Variants in SMYD3 observed in about 807,000 individuals in gnomAD.
The protein encoded by SMYD3 is histone-lysine N-methyltransferase SMYD3.
In SMYD3, 36 loss-of-function variants were observed where a neutral mutation model predicts 57.7. The ratio of observed to expected loss-of-function variants is 0.62; its 90% CI spans 0.48 to 0.82. The LOEUF is 0.82. Among genes scored for constraint, SMYD3 ranks in the 40% least tolerant of loss-of-function variants. SMYD3 has a pLI of 0.00. For missense variants in SMYD3, 515 were observed against 538.8 expected (o/e 0.96, Z 0.44); for synonymous variants, 211 against 195.0 (o/e 1.08, Z -0.68).
In SMYD3 at chr1:246,478,572, A is replaced by G. The variant is rs12037546; in HGVS notation, c.164+28482T>C. ...CTGTCCTCTGTCCTGGAGCTGGTACATAAGTGCTCATATATGCACACCTGT... is the reference window on the plus strand; with the variant it reads ...CTGTCCTCTGTCCTGGAGCTGGTACGTAAGTGCTCATATATGCACACCTGT... On this transcript the variant is annotated intron_variant, in intron 1 of 11. Coordinates refer to ENST00000490107, the MANE Select transcript of SMYD3 (RefSeq NM_001167740.2). Among the ~76,000 whole-genome samples the G allele has an allele frequency of 2.5e-3, 201 of 79,734 alleles. 8 individuals are homozygous for G. The highest frequency in any genetic ancestry group is 9.1e-3 in the Middle Eastern group (1 of 110). The allele number at this position is 79,734 out of a possible 152,430, so 52.3% of individuals were successfully genotyped here.
chr1:246,005,479 G>T (rs767403388), intron 5 of SMYD3, among the ~76,000 whole-genome samples: 1 of 152,184 alleles, frequency 6.6e-6, no homozygotes, highest in African/African-American at 2.4e-5. Flanking sequence ...CATCTAAAAT[G>T]CGGATAGTCA....
chr1:245,973,607 C>A (rs2058354028), intron 5 of SMYD3, among the ~76,000 whole-genome samples: 1 of 152,180 alleles, frequency 6.6e-6, no homozygotes, highest in Admixed American at 6.5e-5. Flanking sequence ...AGCAAACATA[C>A]CAAAGAATCT....
intron 1 of SMYD3, among the ~76,000 whole-genome samples, chr1:246,376,890 A>G (rs1012879419): frequency 3.3e-5 from 5 of 152,098 alleles, no homozygotes; most frequent in African/African-American, 1.2e-4. Flanking sequence ...ACCTGAGGTC[A>G]GGAGTTCAAG....
At chr1:246,359,862 C>T (rs1356691326) in intron 1 of SMYD3, among the ~76,000 whole-genome samples, 5 of 152,090 alleles carry the variant, frequency 3.3e-5, no homozygotes, top group Non-Finnish European at 7.4e-5. Context: ...TTACACTGAA[C>T]AGGGAAAAGT....
intron 5 of SMYD3, chr1:245,955,798 T>C (rs1285060711): frequency 6.2e-6 from 2 of 322,888 alleles, no homozygotes; most frequent in Admixed American, 1.3e-4. Flanking sequence ...AGCAACATAT[T>C]GTATGTTTAG....
chr1:245,865,413 C>A (rs1055969862), intron 8 of SMYD3, among the ~76,000 whole-genome samples: 3 of 152,180 alleles, frequency 2.0e-5, no homozygotes, highest in Admixed American at 6.5e-5. Context: ...TTCTTCCCCC[C>A]AGGTCAGAGG....
chr1:245,989,489 T>C (rs899777144), intron 5 of SMYD3, among the ~76,000 whole-genome samples: 24 of 152,276 alleles, frequency 1.6e-4, no homozygotes, highest in African/African-American at 5.8e-4. Flanking sequence ...TCCAGCTTGC[T>C]GCACATGTCC....
intron 5 of SMYD3, among the ~76,000 whole-genome samples, chr1:246,032,350 G>C (rs1388442946): frequency 6.6e-6 from 1 of 152,120 alleles, no homozygotes; most frequent in Non-Finnish European, 1.5e-5. Context: ...TAACACCTGG[G>C]AATCTCTCAC....
chr1:245,952,402 C>T (rs1171653014), intron 5 of SMYD3, among the ~76,000 whole-genome samples: 1 of 151,790 alleles, frequency 6.6e-6, no homozygotes, highest in Non-Finnish European at 1.5e-5. Flanking sequence ...TGAGAATTAC[C>T]GATTGTAATA....
chr1:246,183,851 G>A (rs6680215), intron 5 of SMYD3, among the ~76,000 whole-genome samples: 49,424 of 151,970 alleles, frequency 0.33, 9,287 homozygotes, highest in African/African-American at 0.5. Context: ...AAAATGACAC[G>A]GAGGGAGAAG....
intron 8 of SMYD3, among the ~76,000 whole-genome samples, chr1:245,899,340 T>C (rs2054036172): frequency 6.6e-6 from 1 of 152,160 alleles, no homozygotes; most frequent in Non-Finnish European, 1.5e-5. Context: ...AACTTAAAAA[T>C]ACAACTGAAA....
intron 10 of SMYD3, among the ~76,000 whole-genome samples, chr1:245,835,194 A>G (rs141854848): frequency 0.023 from 3,399 of 145,426 alleles, 112 homozygotes; most frequent in African/African-American, 0.081. Flanking sequence ...ATCTTGGCTC[A>G]CTGCAACCTC....
chr1:245,776,363 G>C (rs552674679), intron 10 of SMYD3, among the ~76,000 whole-genome samples: 4 of 151,738 alleles, frequency 2.6e-5, no homozygotes, highest in African/African-American at 4.9e-5. Flanking sequence ...GAGCATTGTC[G>C]TTAAAAAAAA....
intron 10 of SMYD3, among the ~76,000 whole-genome samples, chr1:245,848,878 A>G (rs1558418089): frequency 2.0e-5 from 3 of 152,214 alleles, no homozygotes; most frequent in Non-Finnish European, 4.4e-5. Context: ...TGTAGAAGGT[A>G]GACAGTGAGC....
chr1:245,947,043 T>C (rs1409985787), intron 5 of SMYD3, among the ~76,000 whole-genome samples: 2 of 152,178 alleles, frequency 1.3e-5, no homozygotes, highest in Non-Finnish European at 2.9e-5. Flanking sequence ...TCCGTGGCCC[T>C]GGGAGGCGGG....
intron 5 of SMYD3, among the ~76,000 whole-genome samples, chr1:246,310,661 C>CTTTTTTTTTTTTTTT (rs386370347): frequency 2.8e-5 from 2 of 72,206 alleles, no homozygotes; most frequent in Non-Finnish European, 2.4e-5. Flanking sequence ...AAGAGTAAGG[C>CTTTTTTTTTTTTTTT]TTTTTTTTTT....
intron 2 of SMYD3, among the ~76,000 whole-genome samples, chr1:246,353,589 C>G (rs1381359824): frequency 2.0e-5 from 3 of 152,100 alleles, no homozygotes; most frequent in Non-Finnish European, 4.4e-5. Context: ...AAAACTAGAC[C>G]TAATCAGAAT....
At chr1:246,426,855 T>C (rs1404728889) in intron 1 of SMYD3, among the ~76,000 whole-genome samples, 1 of 152,164 alleles carries the variant, frequency 6.6e-6, no homozygotes, top group Non-Finnish European at 1.5e-5. Context: ...TATTTGTTCA[T>C]CTACAACAGG....
rs74453816 is a variant in SMYD3 at position 245,924,655 on chromosome 1, C to T, written c.702+3276G>A. ...GTAAATGTCTGAGACTCTATTCCAG[C>T]TTTTTTTTTTTTTTTTTTTTTTTCT... On this transcript the variant is annotated intron_variant, in intron 7 of 11. Transcript: ENST00000490107. Among the ~76,000 whole-genome samples the T allele has an allele frequency of 7.1e-4, 67 of 94,682 alleles. 3 individuals carry two copies. Among genetic ancestry groups the T allele is most frequent in the Middle Eastern group, 5.7e-3 (1 of 176 alleles). 62.1% of individuals were successfully genotyped at this position (94,682 alleles called of 152,430 possible). A position where few individuals can be genotyped will look rare whatever the true frequency, so the allele number is the denominator to read the frequency against.
Sources: allele counts gnomAD v4.1 joint callset (sites outside exome capture counted in the v4.1 genomes callset), GRCh38; gene constraint gnomAD v4.1.1; transcripts MANE v1.5; gene names NCBI Gene and HGNC (gene_info 2026-07-23, HGNC 2026-07-21).